Variants in NLGN1 observed in about 807,000 individuals in gnomAD.
The protein encoded by NLGN1 is neuroligin-1.
A neutral mutation model predicts 65.5 loss-of-function variants in NLGN1; 12 were observed. The observed-to-expected ratio is 0.18, with a 90% CI of 0.12 to 0.30. NLGN1 has a LOEUF of 0.30. Among genes scored for constraint, NLGN1 ranks in the 10% least tolerant of loss-of-function variants. The pLI, the probability that NLGN1 is intolerant of heterozygous loss-of-function variation, is 1.00. For missense variants in NLGN1, 750 were observed against 1,007.1 expected, an observed-to-expected ratio of 0.74 and a Z score of 3.46; for synonymous variants, 350 against 359.5, an observed-to-expected ratio of 0.97 and a Z score of 0.30.
intron 4 of NLGN1, among the ~76,000 whole-genome samples, chr3:174,172,366 G>C (rs1728708559): frequency 6.6e-6 from 1 of 151,986 alleles, no homozygotes; most frequent in Non-Finnish European, 1.5e-5. Context: ...CCCTGTTGTA[G>C]TAGCAAATAC....
At chr3:173,603,728 T>A (rs1212963673) in intron 2 of NLGN1, among the ~76,000 whole-genome samples, 1 of 152,084 alleles carries the variant, frequency 6.6e-6, no homozygotes, top group East Asian at 1.9e-4. Context: ...TAGTTTCATC[T>A]GAATAATCAT....
chr3:173,829,572 T>G (rs13067177), intron 4 of NLGN1, among the ~76,000 whole-genome samples: 288 of 100,862 alleles, frequency 2.9e-3, no homozygotes, highest in African/African-American at 0.014. Context: ...GTGTGTGTGT[T>G]TGTGTGTGTG....
intron 4 of NLGN1, among the ~76,000 whole-genome samples, chr3:173,916,861 C>A (rs1740837815): frequency 6.6e-6 from 1 of 152,090 alleles, no homozygotes; most frequent in South Asian, 2.1e-4. Flanking sequence ...AAAGTAAGAA[C>A]AAATTGAAAT....
chr3:173,617,047 A>G (rs1753220401), intron 3 of NLGN1, among the ~76,000 whole-genome samples: 1 of 149,774 alleles, frequency 6.7e-6, no homozygotes, highest in African/African-American at 2.5e-5. Flanking sequence ...GGAATAGTCA[A>G]CCTCCATCCT....
Position 174,260,190 on chromosome 3 carries a change from G to T in NLGN1, c.647-15125G>T, listed in dbSNP as rs571392791. ...AGCAGCATGATTTATAGTCCTTTGG[G>T]TATATACCCAGTAATGGGATGGCTG... On this transcript the variant is annotated intron_variant, in intron 4 of 6. Transcript: ENST00000457714. Among the ~76,000 whole-genome samples, 117 of 151,074 alleles carry T rather than the reference G, an allele frequency of 7.7e-4. 1 individual carries two copies. The East Asian group carries it at 0.021, about 27-fold the overall frequency.
At chr3:174,165,035 C>A (rs566298056) in intron 4 of NLGN1, among the ~76,000 whole-genome samples, 61 of 152,134 alleles carry the variant, frequency 4.0e-4, no homozygotes, top group African/African-American at 1.4e-3. Flanking sequence ...TTGTAGAGAT[C>A]TTTAGCCTCT....
At chr3:173,789,380 G>A (rs1299441978) in intron 3 of NLGN1, among the ~76,000 whole-genome samples, 1 of 152,128 alleles carries the variant, frequency 6.6e-6, no homozygotes, top group African/African-American at 2.4e-5. Flanking sequence ...ACTACTTCCA[G>A]CTCACTTAAT....
chr3:174,146,138 TTC>T (rs1561152638), intron 4 of NLGN1, among the ~76,000 whole-genome samples: 13 of 146,930 alleles, frequency 8.8e-5, no homozygotes, highest in African/African-American at 3.2e-4. Flanking sequence ...CCTTCCTTCC[TTC>T]CTTCCTTCCT....
intron 4 of NLGN1, among the ~76,000 whole-genome samples, chr3:174,155,688 C>T (rs1405048276): frequency 6.6e-5 from 10 of 151,332 alleles, no homozygotes; most frequent in Non-Finnish European, 1.0e-4. Flanking sequence ...TAGCATATAG[C>T]ATAAATTGCT....
intron 4 of NLGN1, among the ~76,000 whole-genome samples, chr3:173,836,223 A>C (rs929438147): frequency 6.6e-6 from 1 of 152,194 alleles, no homozygotes; most frequent in African/African-American, 2.4e-5. Flanking sequence ...TAGTATATCA[A>C]ATATCAAGCA....
At chr3:173,670,441 G>A (rs1762300560) in intron 3 of NLGN1, among the ~76,000 whole-genome samples, 1 of 151,936 alleles carries the variant, frequency 6.6e-6, no homozygotes, top group African/African-American at 2.4e-5. Flanking sequence ...AAACATTTTT[G>A]GACTCAAAAA....
intron 4 of NLGN1, among the ~76,000 whole-genome samples, chr3:174,173,764 A>G (rs112846175): frequency 2.1e-3 from 316 of 151,938 alleles, no homozygotes; most frequent in African/African-American, 7.2e-3. Flanking sequence ...AGCAAAATTA[A>G]TTAGCACTCT....
rs527730547 is a variant in NLGN1 at position 173,905,125 on chromosome 3, T to A, written c.646+97293T>A. 2.0e-5 allele frequency among the ~76,000 whole-genome samples: 3 copies of A among 152,342 alleles called. No homozygotes were observed. In the East Asian group the frequency reaches 5.8e-4, roughly 29 times the overall value. On this transcript the variant is annotated intron_variant, in intron 4 of 6. Transcript: ENST00000457714. ...GTAACAATTTCACTATTTCCCTGTC[T>A]GTTTGCCTGAGTTCTCTTTCCCATG...
At chr3:173,468,530 G>A (rs1310336730) in intron 2 of NLGN1, among the ~76,000 whole-genome samples, 1 of 151,956 alleles carries the variant, frequency 6.6e-6, no homozygotes, top group Non-Finnish European at 1.5e-5. Flanking sequence ...AATGAGTGAG[G>A]CACATTTTCA....
chr3:173,917,566 G>T (rs1256153924), intron 4 of NLGN1, among the ~76,000 whole-genome samples: 2 of 152,082 alleles, frequency 1.3e-5, no homozygotes, highest in African/African-American at 2.4e-5. Flanking sequence ...ACTAAAACAA[G>T]AGAAAAGTAA....
intron 3 of NLGN1, among the ~76,000 whole-genome samples, chr3:173,800,003 ATTT>A (rs11328249): frequency 1.6e-4 from 15 of 92,612 alleles, no homozygotes; most frequent in African/African-American, 5.5e-4. Context: ...TGCAATGGGT[ATTT>A]TTTTTTTTTT....
intron 4 of NLGN1, among the ~76,000 whole-genome samples, chr3:174,079,335 G>A (rs1418767724): frequency 6.6e-6 from 1 of 152,086 alleles, no homozygotes; most frequent in African/African-American, 2.4e-5. Context: ...AAATCAAAAT[G>A]AGATACGATC....
chr3:173,464,291 A>G (rs569719341), intron 2 of NLGN1, among the ~76,000 whole-genome samples: 2 of 152,312 alleles, frequency 1.3e-5, no homozygotes, highest in African/African-American at 2.4e-5. Flanking sequence ...AGAGAAATCA[A>G]GGAATCCCTA....
At chr3:173,945,819 C>T (rs549572676) in intron 4 of NLGN1, among the ~76,000 whole-genome samples, 95 of 152,282 alleles carry the variant, frequency 6.2e-4, no homozygotes, top group Admixed American at 1.4e-3. Context: ...TAGCTTTTAA[C>T]AAGCTGTCAA....
Sources: gnomAD v4.1 joint callset for allele counts (sites outside exome capture counted in the v4.1 genomes callset) on GRCh38, gnomAD v4.1.1 for gene constraint, MANE v1.5 for transcripts, NCBI Gene and HGNC (gene_info 2026-07-23, HGNC 2026-07-21) for gene names.